OTUB1: variants seen among roughly 807,000 people sequenced by gnomAD.
The protein encoded by OTUB1 is OTU deubiquitinase, ubiquitin aldehyde binding 1.
A neutral mutation model predicts 35.8 loss-of-function variants in OTUB1; 10 were observed. The observed-to-expected ratio is 0.28, with a 90% CI of 0.17 to 0.47. The LOEUF is 0.47. Among genes scored for constraint, OTUB1 ranks in the 20% least tolerant of loss-of-function variants. OTUB1 has a pLI of 0.99. For synonymous variants in OTUB1, 158 were observed against 143.8 expected (o/e 1.10, Z -0.71); for missense variants, 264 against 351.6 (o/e 0.75, Z 1.99).
chr11:63,995,415 C>T (rs1000236916), intron 3 of OTUB1, among the ~76,000 whole-genome samples: 1 of 152,124 alleles, frequency 6.6e-6, no homozygotes. Flanking sequence ...ATGCTGGTCT[C>T]GAACTCCCGA....
At position 63,988,361 on chromosome 11, in the gene OTUB1, A is replaced by G; in HGVS notation, c.83A>G (p.Glu28Gly). Residue 28 changes from glutamate to glycine, a missense_variant, in exon 2 of 7, where the codon GAA (glutamate) becomes GGA (glycine). This residue lies in a region of OTUB1 where 50 missense variants were observed against 34.5 expected (regional missense o/e 1.45). Coordinates refer to ENST00000538426, the MANE Select transcript of OTUB1 (RefSeq NM_017670.3). ...SEGVNCLAYD[E>G]AIMAQQDRIQ... is the part of the protein sequence containing the mutation. ...GGTGTTAACTGTCTGGCCTATGATG[A>G]AGCCATCATGGCTCAGCAGGACCGA... 1 of 1,554,342 alleles carries G rather than the reference A, an allele frequency of 6.4e-7. No individual in the cohort carries two copies.
intron 1 of OTUB1, among the ~76,000 whole-genome samples, chr11:63,987,951 A>G (rs1049933650): frequency 1.3e-5 from 2 of 152,150 alleles, no homozygotes; most frequent in African/African-American, 4.8e-5. Flanking sequence ...TTTAAAGATG[A>G]GGAAATGAAA....
chr11:63,991,191 C>G (rs1191438178), intron 3 of OTUB1, among the ~76,000 whole-genome samples: 2 of 152,100 alleles, frequency 1.3e-5, no homozygotes, highest in African/African-American at 4.8e-5. Context: ...ATCCCCTGTT[C>G]TCTCTGGGCG....
chr11:63,996,735 C>G (rs761211819), intron 4 of OTUB1, 87 bp downstream of exon 4: 41 of 1,611,268 alleles, frequency 2.5e-5, no homozygotes, highest in Non-Finnish European at 3.4e-5. Context: ...TAGGGTGTCT[C>G]CCTCCTTCCC....
rs528268983 is a variant in OTUB1, at chr11:63,988,701, C to T, written c.168C>T (p.Val56=). ...PLVSERLELS[V]LYKEYAEDDN... is the part of the protein sequence containing the mutation. ...TGTCAGAGCGGCTGGAGCTCTCGGTCCTATACAAGGAGTATGCTGAAGATG... is the reference window on the plus strand; with the variant it reads ...TGTCAGAGCGGCTGGAGCTCTCGGTTCTATACAAGGAGTATGCTGAAGATG... The change falls in exon 3 of 7, where the codon GTC becomes GTT. Residue 56 remains valine, a synonymous_variant. Transcript: ENST00000538426. The T allele has an allele frequency of 6.2e-7, 1 of 1,613,144 alleles. No individual in the cohort carries two copies. Among genetic ancestry groups the T allele is most frequent in the Non-Finnish European group, 8.5e-7 (1 of 1,179,770 alleles).
chr11:63,987,983 T>C (rs1215423945), intron 1 of OTUB1, among the ~76,000 whole-genome samples: 1 of 152,180 alleles, frequency 6.6e-6, no homozygotes, highest in Non-Finnish European at 1.5e-5. Context: ...GAAGGGACTT[T>C]GCCAAGATGA....
At chr11:63,992,341 G>A (rs950693379) in intron 3 of OTUB1, among the ~76,000 whole-genome samples, 3 of 151,854 alleles carry the variant, frequency 2.0e-5, no homozygotes, top group Admixed American at 6.6e-5. Context: ...AGTCACAGGC[G>A]TCCGAGAGCA....
chr11:63,997,016 C>A, intron 5 of OTUB1, 34 bp from the exon 6 acceptor site: 1 of 1,612,174 alleles, frequency 6.2e-7, no homozygotes, highest in Non-Finnish European at 8.5e-7. Context: ...ATCTCCTCCC[C>A]GTCATCTTGC....
chr11:63,988,264 G>A (rs760799497), intron 1 of OTUB1, 73 bp from the exon 2 acceptor site: 21 of 1,290,094 alleles, frequency 1.6e-5, no homozygotes, highest in Non-Finnish European at 2.3e-5. Context: ...GGCTGCTCTT[G>A]TCCCTGGCCC....
At chr11:63,992,078 G>A (rs1942677456) in intron 3 of OTUB1, among the ~76,000 whole-genome samples, 1 of 152,138 alleles carries the variant, frequency 6.6e-6, no homozygotes, top group Admixed American at 6.6e-5. Context: ...TTAGCCGGGT[G>A]TGGTGGCGCA....
At chr11:63,995,660 T>G (rs1590781789) in intron 3 of OTUB1, among the ~76,000 whole-genome samples, 10 of 137,394 alleles carry the variant, frequency 7.3e-5, no homozygotes, top group East Asian at 2.3e-4. Flanking sequence ...AGGGTGGGGG[T>G]GGGCTAGTGT....
chr11:63,991,253 G>T (rs945187480), intron 3 of OTUB1, among the ~76,000 whole-genome samples: 2 of 152,146 alleles, frequency 1.3e-5, no homozygotes, highest in African/African-American at 4.8e-5. Context: ...GAGATGTTAC[G>T]GGCGGTTGTA....
rs375063755 is a variant in OTUB1, at chr11:63,997,561, C to T, written c.*15C>T. The stretch of plus-strand genomic sequence containing the variant: ...TCTACAAATAGGGCTGGCTCCAGCC[C>T]GCTGCTGCCCTGCTGCCCCCCTCTG... On this transcript the variant is annotated 3_prime_UTR_variant, in exon 7 of 7. Transcript: ENST00000538426. 2.6e-5 allele frequency: 42 copies of T among 1,608,120 alleles called. No individual in the cohort carries two copies. Among genetic ancestry groups the T allele is most frequent in the Non-Finnish European group, 3.5e-5 (41 of 1,175,404 alleles).
chr11:63,997,623 T>G lies in OTUB1; in HGVS notation c.*77T>G. On this transcript the variant is annotated 3_prime_UTR_variant, in exon 7 of 7. Transcript: ENST00000538426. The stretch of plus-strand genomic sequence containing the variant: ...ACATGTACAGAGGTTTTTCTGTGGT[T>G]GTAAATGGTCCTATTTCACCCCCTT... 7.8e-7 allele frequency: 1 copy of G among 1,275,702 alleles called. No homozygotes were observed. The allele number at this position is 1,275,702 out of a possible 1,614,324, so 79.0% of individuals were successfully genotyped here.
chr11:63,992,163 G>A (rs544313364), intron 3 of OTUB1, among the ~76,000 whole-genome samples: 2 of 151,980 alleles, frequency 1.3e-5, no homozygotes, highest in Admixed American at 6.6e-5. Flanking sequence ...GCGGTGAGCC[G>A]AGATTGTGCC....
Position 63,996,902 on chromosome 11 carries a change from G to C in OTUB1, c.384G>C (p.Gln128His). 6.2e-7 allele frequency: 1 copy of C among 1,614,126 alleles called. No individual in the cohort carries two copies. Among genetic ancestry groups the C allele is most frequent in the Non-Finnish European group, 8.5e-7 (1 of 1,179,970 alleles). ...SAKSKEDLVSQGFTEFTIEDF... is the reference protein window; with the variant it reads ...SAKSKEDLVSHGFTEFTIEDF... ...AGAGCAAGGAAGACCTGGTGTCCCA[G>C]GGCTTCACTGAATTCACAATTGAGG... Residue 128 changes from glutamine (Q) to histidine (H), a missense_variant, in exon 5 of 7, where the codon CAG (glutamine) becomes CAC (histidine). Physicochemically the swap from Gln to His is conservative, Grantham distance 24. This residue lies in a region of OTUB1 where 214 missense variants were observed against 317.1 expected (regional missense o/e 0.67). Transcript: ENST00000538426.
chr11:63,994,295 C>T (rs771285140), intron 3 of OTUB1, among the ~76,000 whole-genome samples: 8 of 152,134 alleles, frequency 5.3e-5, no homozygotes, highest in Non-Finnish European at 7.3e-5. Flanking sequence ...CTTTGTTGCC[C>T]AGGCTGGAGT....
In OTUB1 at chr11:63,986,470, A is replaced by C. The variant is rs1394020874; in HGVS notation, c.14A>C (p.Glu5Ala). 6.4e-7 allele frequency: 1 copy of C among 1,555,354 alleles called. No individual in the cohort carries two copies. MAAEEPQQQKQEPLG... is the reference protein window; with the variant it reads MAAEAPQQQKQEPLG... ...CGCTGTTTAAAGATGGCGGCGGAGG[A>C]ACCTCAGCAGCAGAAGCAGGAGCCG... is the stretch of plus-strand genomic sequence containing the variant. The change falls in exon 1 of 7, where the codon GAA becomes GCA. Residue 5 changes from glutamate to alanine, a missense_variant. Glu to Ala is a moderately radical substitution (Grantham distance 107). Coordinates refer to ENST00000538426, the MANE Select transcript of OTUB1 (RefSeq NM_017670.3).
intron 1 of OTUB1, among the ~76,000 whole-genome samples, chr11:63,987,304 C>T (rs894379466): frequency 6.6e-6 from 1 of 152,192 alleles, no homozygotes; most frequent in African/African-American, 2.4e-5. Context: ...AGCCCACGCA[C>T]CTCATTCTCA....
Sources: allele counts gnomAD v4.1 joint callset (sites outside exome capture counted in the v4.1 genomes callset), GRCh38; gene constraint gnomAD v4.1.1; regional missense constraint gnomAD v4.1.1; transcripts MANE v1.5; gene names NCBI Gene and HGNC (gene_info 2026-07-23, HGNC 2026-07-21).